Variants in PARP4 observed in about 807,000 individuals in gnomAD.
PARP4 encodes protein mono-ADP-ribosyltransferase PARP4.
PARP4 carries 120 observed loss-of-function variants against 187.7 expected under a neutral mutation model. The observed-to-expected ratio is 0.64, with a 90% CI of 0.55 to 0.74. PARP4 has a LOEUF of 0.74. Among genes scored for constraint, PARP4 ranks in the 30% least tolerant of loss-of-function variants. PARP4 has a pLI of 0.00. For synonymous variants in PARP4, 654 were observed against 740.9 expected (o/e 0.88, Z 1.90); for missense variants, 1,836 against 2,070.5 (o/e 0.89, Z 2.20).
chr13:24,442,257 T>C (rs1463621941), intron 29 of PARP4, among the ~76,000 whole-genome samples: 1 of 151,866 alleles, frequency 6.6e-6, no homozygotes, highest in Non-Finnish European at 1.5e-5. Context: ...GCCTTTTCTA[T>C]TTTTTGAGGG....
chr13:24,453,384 AT>A (rs902715429), intron 23 of PARP4, among the ~76,000 whole-genome samples: 17 of 149,448 alleles, frequency 1.1e-4, no homozygotes, highest in African/African-American at 2.2e-4. Context: ...GACATGGGTG[AT>A]TTTTTTTTTC....
chr13:24,439,907 G>C (rs75344620), intron 30 of PARP4, among the ~76,000 whole-genome samples: 2,098 of 152,258 alleles, frequency 0.014, 23 homozygotes, highest in South Asian at 0.022. Flanking sequence ...GGCTGACCTG[G>C]AAGTCCGGAC....
Position 24,426,639 on chromosome 13 carries a change from G to A in PARP4, c.4847-41C>T, listed in dbSNP as rs768710170. 6 of 1,578,082 alleles carry A rather than the reference G, an allele frequency of 3.8e-6. No individual in the cohort carries two copies. The South Asian group carries it at 4.6e-5, about 12-fold the overall frequency. ...CTCCGTTAAGTCTGTTGGAAACTCT[G>A]CATCTCAAACTGTGCCTGTTTATAA... On this transcript the variant is annotated intron_variant, in intron 32 of 33. Transcript: ENST00000381989.
At chr13:24,497,539 C>T (rs143985038) in intron 6 of PARP4, among the ~76,000 whole-genome samples, 21 of 152,104 alleles carry the variant, frequency 1.4e-4, no homozygotes, top group Non-Finnish European at 2.6e-4. Flanking sequence ...TCCCTTCTAG[C>T]GGGACCCTGT....
Position 24,435,344 on chromosome 13 carries a change from A to G in PARP4, c.3797T>C (p.Leu1266Ser). 6.2e-7 allele frequency: 1 copy of G among 1,612,572 alleles called. No individual in the cohort carries two copies. Among genetic ancestry groups the G allele is most frequent in the Non-Finnish European group, 8.5e-7 (1 of 1,179,904 alleles). ...EVSEDFEEDG[L>S]GVLPAFTSNL... The stretch of plus-strand genomic sequence containing the variant: ...TGATGTGAAAGCTGGTAGTACACCT[A>G]AGCCATCCTCTTCAAAATCTTCAGA... The change falls in exon 31 of 34, where the codon TTA (leucine) becomes TCA (serine). Residue 1266 changes from leucine to serine, a missense_variant. Leu to Ser is a moderately radical substitution (Grantham distance 145, BLOSUM62 -2). Around this residue, in one of 8 missense-constraint regions of PARP4, gnomAD observed 450 missense variants for 439.2 expected, o/e 1.02. Coordinates refer to ENST00000381989, the MANE Select transcript of PARP4 (RefSeq NM_006437.4).
At chr13:24,494,786 A>ATGTTC in intron 6 of PARP4, 64 bp from the exon 7 acceptor site, 27 of 1,149,806 alleles carry the variant, frequency 2.3e-5, no homozygotes, top group Non-Finnish European at 3.4e-5. Flanking sequence ...TATTGAACAT[A>ATGTTC]AATAAAGCAG....
chr13:24,475,566 C>G lies in PARP4; in HGVS notation c.1820G>C (p.Ser607Thr), dbSNP rs746146052. ...ATCCTGGAGGCCGGCCTTGGTGCTGCTGGAAGTTTTGGCATCTGGTAACTG... is the reference window on the plus strand; with the variant it reads ...ATCCTGGAGGCCGGCCTTGGTGCTGGTGGAAGTTTTGGCATCTGGTAACTG... ...DYQLPDAKTS[S>T]STKAGLQDAS... is the part of the protein sequence containing the mutation. Residue 607 changes from serine to threonine, a missense_variant, in exon 15 of 34, where the codon AGC becomes ACC. By Grantham distance (58) the Ser-to-Thr change is moderately conservative (BLOSUM62 1). Around this residue, in one of 8 missense-constraint regions of PARP4, gnomAD observed 1,147 missense variants for 1,214.2 expected, o/e 0.94. Coordinates refer to ENST00000381989, the MANE Select transcript of PARP4 (RefSeq NM_006437.4). 6.2e-7 allele frequency: 1 copy of G among 1,614,126 alleles called. No homozygotes were observed. Among genetic ancestry groups the G allele is most frequent in the Non-Finnish European group, 8.5e-7 (1 of 1,179,980 alleles).
intron 12 of PARP4, among the ~76,000 whole-genome samples, chr13:24,482,700 G>C (rs1047646830): frequency 6.6e-6 from 1 of 152,106 alleles, no homozygotes; most frequent in Admixed American, 6.6e-5. Context: ...TAATAGACTA[G>C]AGTGTAAACC....
chr13:24,483,008 CT>C (rs1475504287), intron 12 of PARP4, among the ~76,000 whole-genome samples: 1 of 151,754 alleles, frequency 6.6e-6, no homozygotes, highest in African/African-American at 2.4e-5. Context: ...CTACAGTGCT[CT>C]TTTTTTCTTC....
intron 15 of PARP4, 90 bp from the exon 16 acceptor site, chr13:24,470,115 T>C: frequency 8.0e-7 from 1 of 1,247,698 alleles, no homozygotes; most frequent in Non-Finnish European, 1.1e-6. Context: ...TTTGCATATT[T>C]ATTTGAATTT....
At chr13:24,474,893 C>A (rs1283982179) in intron 15 of PARP4, among the ~76,000 whole-genome samples, 1 of 152,124 alleles carries the variant, frequency 6.6e-6, no homozygotes, top group Non-Finnish European at 1.5e-5. Context: ...CTGACTCAGT[C>A]CCCATGCACT....
At chr13:24,485,074 T>G (rs1247576007) in intron 11 of PARP4, among the ~76,000 whole-genome samples, 3 of 152,250 alleles carry the variant, frequency 2.0e-5, no homozygotes, top group African/African-American at 7.2e-5. Flanking sequence ...TATGGTTTGA[T>G]TTTAAATATT....
chr13:24,456,430 C>T lies in PARP4; in HGVS notation c.2473G>A (p.Asp825Asn). The T allele has an allele frequency of 6.2e-7, 1 of 1,610,234 alleles. No individual in the cohort carries two copies. The highest frequency in any genetic ancestry group is 1.1e-5 in the South Asian group (1 of 90,974). ...VISTMEGSSLDSSGFSLHIGL... is the reference protein window; with the variant it reads ...VISTMEGSSLNSSGFSLHIGL... ...ATGTGGAGAGAAAATCCACTGCTGTCTAAGGAGCTGCCTTCCATGGTGCTA... is the reference window on the plus strand; with the variant it reads ...ATGTGGAGAGAAAATCCACTGCTGTTTAAGGAGCTGCCTTCCATGGTGCTA... Residue 825 changes from aspartate to asparagine, a missense_variant, in exon 21 of 34, where the codon GAC becomes AAC. Asp to Asn is a conservative substitution (Grantham distance 23). This residue lies in a region of PARP4 where 1,147 missense variants were observed against 1,214.2 expected (regional missense o/e 0.94). Coordinates refer to ENST00000381989, the MANE Select transcript of PARP4 (RefSeq NM_006437.4).
At chr13:24,434,206 C>T (rs1870483593) in intron 31 of PARP4, among the ~76,000 whole-genome samples, 189 bp downstream of exon 31, 1 of 152,168 alleles carries the variant, frequency 6.6e-6, no homozygotes, top group South Asian at 2.1e-4. Context: ...CTGTTTTGTT[C>T]AGCTGTCTGT....
intron 25 of PARP4, among the ~76,000 whole-genome samples, chr13:24,448,222 C>T (rs959848080): frequency 7.9e-5 from 12 of 151,832 alleles, no homozygotes; most frequent in Non-Finnish European, 1.6e-4. Flanking sequence ...AAAACACCAA[C>T]GACAAACAAA....
chr13:24,511,745 C>T (rs1317436218), intron 1 of PARP4, among the ~76,000 whole-genome samples: 1 of 152,186 alleles, frequency 6.6e-6, no homozygotes, highest in Non-Finnish European at 1.5e-5. Context: ...ATACAGTGGG[C>T]ATTCAATAAA....
At chr13:24,454,762 TC>T (rs1165775716) in intron 22 of PARP4, among the ~76,000 whole-genome samples, 4 of 152,122 alleles carry the variant, frequency 2.6e-5, no homozygotes, top group African/African-American at 9.7e-5. Flanking sequence ...GGGACAATTA[TC>T]CTCAGATCGC....
chr13:24,439,316 G>C (rs1273615676), intron 30 of PARP4, among the ~76,000 whole-genome samples: 2 of 94,360 alleles, frequency 2.1e-5, no homozygotes, highest in East Asian at 3.2e-4. Context: ...AACAGAGTAA[G>C]ACCCTGTCTC....
rs1425788457 is a variant in PARP4 at position 24,492,566 on chromosome 13, A to C, written c.908T>G (p.Leu303Arg). The C allele has an allele frequency of 6.2e-7, 1 of 1,614,056 alleles. No individual in the cohort carries two copies. The highest frequency in any genetic ancestry group is 1.7e-5 in the Admixed American group (1 of 60,010). Reference protein sequence around the residue: ...DVSKAEGILLLVKAALKNGET... With the variant: ...DVSKAEGILLRVKAALKNGET... Reference sequence around the variant, plus strand: ...TCCATTTTTCAGTGCTGCCTTTACTAGAAGGAGAATCCCCTCTGCCTTGCT... The same window carrying C: ...TCCATTTTTCAGTGCTGCCTTTACTCGAAGGAGAATCCCCTCTGCCTTGCT... Residue 303 changes from leucine (L) to arginine (R), a missense_variant, in exon 9 of 34, where the codon CTA becomes CGA. Physicochemically the swap from Leu to Arg is moderately radical, Grantham distance 102 (BLOSUM62 -2). Coordinates refer to ENST00000381989, the MANE Select transcript of PARP4 (RefSeq NM_006437.4).
Sources: gnomAD v4.1 joint callset for allele counts (sites outside exome capture counted in the v4.1 genomes callset) on GRCh38, gnomAD v4.1.1 for gene constraint, gnomAD v4.1.1 regional missense constraint, MANE v1.5 for transcripts, NCBI Gene and HGNC (gene_info 2026-07-23, HGNC 2026-07-21) for gene names.